The following ITK variants were observed in gnomAD, a reference collection of about 807,000 sequenced individuals.
ITK encodes the protein tyrosine-protein kinase ITK/TSK.
A neutral mutation model predicts 87.6 loss-of-function variants in ITK; 45 were observed. The observed-to-expected ratio is 0.51, with a 90% CI of 0.40 to 0.66. ITK has a LOEUF of 0.66. Ranked by LOEUF, ITK falls within the 30% of genes least tolerant of loss-of-function variation. The probability of loss-of-function intolerance (pLI) is 0.00; values close to 1 mark genes in which losing one functional copy is unlikely to be tolerated. For synonymous variants in ITK, 303 were observed against 273.6 expected, an observed-to-expected ratio of 1.11 and a Z score of -1.06; for missense variants, 605 against 766.3, an observed-to-expected ratio of 0.79 and a Z score of 2.48.
At chr5:157,220,552 G>C (rs748115802) in intron 5 of ITK, among the ~76,000 whole-genome samples, 2 of 152,200 alleles carry the variant, frequency 1.3e-5, no homozygotes, top group Non-Finnish European at 2.9e-5. Flanking sequence ...GGCCAGCAGA[G>C]GTCCTGGGGG....
At chr5:157,221,288 C>G (rs1754407653) in intron 5 of ITK, among the ~76,000 whole-genome samples, 2 of 151,894 alleles carry the variant, frequency 1.3e-5, no homozygotes, top group African/African-American at 4.8e-5. Context: ...TATAATTTTC[C>G]AAAATGATGA....
At chr5:157,208,325 A>G (rs1273638730) in intron 1 of ITK, among the ~76,000 whole-genome samples, 1 of 152,184 alleles carries the variant, frequency 6.6e-6, no homozygotes, top group Non-Finnish European at 1.5e-5. Flanking sequence ...GCCCAGTAGT[A>G]TTTGATGGGG....
At chr5:157,193,669 G>A (rs1396164797) in intron 1 of ITK, among the ~76,000 whole-genome samples, 1 of 152,166 alleles carries the variant, frequency 6.6e-6, no homozygotes, top group Non-Finnish European at 1.5e-5. Context: ...TGGATTAAAT[G>A]TTCTTCAATG....
At chr5:157,203,624 C>G (rs1309764452) in intron 1 of ITK, among the ~76,000 whole-genome samples, 1 of 152,242 alleles carries the variant, frequency 6.6e-6, no homozygotes, top group Non-Finnish European at 1.5e-5. Flanking sequence ...TAGCTGCAGA[C>G]AGTTCTTGAA....
At chr5:157,222,365 G>A (rs1754437246) in intron 5 of ITK, among the ~76,000 whole-genome samples, 1 of 152,126 alleles carries the variant, frequency 6.6e-6, no homozygotes, top group Non-Finnish European at 1.5e-5. Context: ...TAATTCAAGT[G>A]GTAGATTGGC....
chr5:157,221,246 T>C (rs1255938640), intron 5 of ITK, among the ~76,000 whole-genome samples: 1 of 151,962 alleles, frequency 6.6e-6, no homozygotes, highest in Non-Finnish European at 1.5e-5. Context: ...AAATGTGGTA[T>C]TGGGACTCAA....
At chr5:157,244,759 C>T (rs889242235) in intron 13 of ITK, 1 of 419,070 alleles carries the variant, frequency 2.4e-6, no homozygotes, top group Non-Finnish European at 4.5e-6. Context: ...CTCTCTGTGA[C>T]TCAATTTCCT....
In ITK at chr5:157,189,616, G is replaced by A. The variant is rs187276720; in HGVS notation, c.138+8501G>A. On this transcript the variant is annotated intron_variant, in intron 1 of 16. Coordinates refer to ENST00000422843, the MANE Select transcript of ITK (RefSeq NM_005546.4). The stretch of plus-strand genomic sequence containing the variant: ...GAATTGCTTGAACCCAGGAGGCAGA[G>A]GTTGCAGTAGGCTGAGATCGCACCA... Among the ~76,000 whole-genome samples, 26 of 152,318 alleles carry A rather than the reference G, an allele frequency of 1.7e-4. 1 individual carries two copies. The East Asian group carries it at 5.0e-3, about 29-fold the overall frequency.
At chr5:157,225,646 G>C (rs1254423357) in intron 6 of ITK, among the ~76,000 whole-genome samples, 1 of 152,172 alleles carries the variant, frequency 6.6e-6, no homozygotes, top group Non-Finnish European at 1.5e-5. Context: ...CATGGTTTGA[G>C]AGGCAGTGTG....
intron 5 of ITK, among the ~76,000 whole-genome samples, chr5:157,219,352 A>G (rs1411752801): frequency 1.3e-5 from 2 of 152,068 alleles, no homozygotes; most frequent in Non-Finnish European, 2.9e-5. Flanking sequence ...TCCTCAGGCG[A>G]TCAACCCACT....
intron 16 of ITK, among the ~76,000 whole-genome samples, chr5:157,250,315 G>T (rs1755115550): frequency 6.6e-6 from 1 of 152,156 alleles, no homozygotes; most frequent in East Asian, 1.9e-4. Flanking sequence ...GCATCATACA[G>T]CATGTAGGCT....
chr5:157,230,579 T>C (rs916266333), intron 7 of ITK, among the ~76,000 whole-genome samples: 3 of 152,174 alleles, frequency 2.0e-5, no homozygotes, highest in Admixed American at 6.5e-5. Flanking sequence ...GGGTCATCAG[T>C]TCTAAGAATT....
At chr5:157,185,191 G>A (rs1395900544) in intron 1 of ITK, among the ~76,000 whole-genome samples, 1 of 151,858 alleles carries the variant, frequency 6.6e-6, no homozygotes, top group African/African-American at 2.4e-5. Flanking sequence ...CATTTGATCT[G>A]TGTGATTTTG....
chr5:157,196,869 C>G (rs932338759), intron 1 of ITK, among the ~76,000 whole-genome samples: 2 of 152,134 alleles, frequency 1.3e-5, no homozygotes, highest in Non-Finnish European at 2.9e-5. Context: ...ATTTCTTATT[C>G]TGGGAGGAAG....
intron 7 of ITK, among the ~76,000 whole-genome samples, chr5:157,230,932 C>G (rs1236051855): frequency 6.6e-6 from 1 of 152,214 alleles, no homozygotes; most frequent in Non-Finnish European, 1.5e-5. Flanking sequence ...TTTGCATTCT[C>G]CAGATTATGA....
intron 1 of ITK, among the ~76,000 whole-genome samples, chr5:157,191,925 C>T (rs1753760966): frequency 6.6e-6 from 1 of 152,134 alleles, no homozygotes; most frequent in South Asian, 2.1e-4. Flanking sequence ...AGGATAAGAA[C>T]ATTTTCTGGT....
intron 13 of ITK, 185 bp from the exon 14 acceptor site, chr5:157,245,540 AT>A: frequency 1.5e-6 from 1 of 663,840 alleles, no homozygotes. Context: ...GATCTTACAC[AT>A]TCAACTTTCC....
intron 4 of ITK, among the ~76,000 whole-genome samples, chr5:157,216,042 T>C (rs1580889941): frequency 6.6e-6 from 1 of 152,204 alleles, no homozygotes; most frequent in Non-Finnish European, 1.5e-5. Context: ...GTGGTTGTCA[T>C]GCAGTCACTG....
chr5:157,226,243 G>A (rs1427023929), intron 6 of ITK, among the ~76,000 whole-genome samples: 5 of 152,178 alleles, frequency 3.3e-5, no homozygotes, highest in South Asian at 2.1e-4. Flanking sequence ...CTTTGTCTAC[G>A]TCACAGTGTT....
Sources: allele counts gnomAD v4.1 joint callset (sites outside exome capture counted in the v4.1 genomes callset), GRCh38; gene constraint gnomAD v4.1.1; transcripts MANE v1.5; gene names NCBI Gene and HGNC (gene_info 2026-07-23, HGNC 2026-07-21).